The following AKT3 variants were observed in gnomAD, a reference collection of about 807,000 sequenced individuals.
The protein encoded by AKT3 is AKT serine/threonine kinase 3.
AKT3 carries 15 observed loss-of-function variants against 65.3 expected under a neutral mutation model. That is an observed-to-expected ratio of 0.23 (90% CI 0.15 to 0.35). The LOEUF is 0.35. AKT3 is among the 10% of genes least tolerant of loss of function. AKT3 has a pLI of 1.00. For missense variants in AKT3, 243 were observed against 576.5 expected, an observed-to-expected ratio of 0.42 and a Z score of 5.92; for synonymous variants, 206 against 183.8, an observed-to-expected ratio of 1.12 and a Z score of -0.98.
chr1:243,718,381 T>A (rs950812055), intron 2 of AKT3, among the ~76,000 whole-genome samples: 4 of 152,212 alleles, frequency 2.6e-5, no homozygotes, highest in African/African-American at 9.7e-5. Flanking sequence ...TTTATAATTA[T>A]TAAATCTTCA....
At chr1:243,587,678 T>C (rs1333298902) in intron 8 of AKT3, among the ~76,000 whole-genome samples, 1 of 152,144 alleles carries the variant, frequency 6.6e-6, no homozygotes, top group African/African-American at 2.4e-5. Context: ...CACAAGGATA[T>C]TTTCAGAAGT....
intron 4 of AKT3, among the ~76,000 whole-genome samples, chr1:243,662,693 A>G (rs1458620904): frequency 6.6e-6 from 1 of 150,376 alleles, no homozygotes; most frequent in African/African-American, 2.4e-5. Flanking sequence ...GTACCCTGAA[A>G]CTTAAAGTAT....
chr1:243,753,475 A>T (rs1412718756), intron 2 of AKT3, among the ~76,000 whole-genome samples: 1 of 152,204 alleles, frequency 6.6e-6, no homozygotes, highest in Non-Finnish European at 1.5e-5. Context: ...AAGAGAAACA[A>T]GCCAACAATG....
At chr1:243,569,868 A>G (rs1674432241) in intron 9 of AKT3, among the ~76,000 whole-genome samples, 1 of 152,240 alleles carries the variant, frequency 6.6e-6, no homozygotes, top group Non-Finnish European at 1.5e-5. Context: ...TTGTAAAATA[A>G]GAGCTAAGCA....
chr1:243,545,410 T>C, intron 12 of AKT3, 100 bp downstream of exon 12: 1 of 658,140 alleles, frequency 1.5e-6, no homozygotes, highest in Non-Finnish European at 2.6e-6. Flanking sequence ...GAAAGTATCA[T>C]TACATCATTA....
At chr1:243,815,587 A>C (rs1281890571) in intron 2 of AKT3, among the ~76,000 whole-genome samples, 1 of 152,064 alleles carries the variant, frequency 6.6e-6, no homozygotes, top group Non-Finnish European at 1.5e-5. Flanking sequence ...CAACAAAACA[A>C]AACCACTCTG....
At chr1:243,844,806 C>A (rs1240609965) in intron 1 of AKT3, among the ~76,000 whole-genome samples, 1 of 152,146 alleles carries the variant, frequency 6.6e-6, no homozygotes, top group South Asian at 2.1e-4. Context: ...GCGGGAAAGT[C>A]CTCAAAAACA....
chr1:243,641,701 A>G (rs1680407355), intron 5 of AKT3, among the ~76,000 whole-genome samples: 1 of 152,084 alleles, frequency 6.6e-6, no homozygotes, highest in Non-Finnish European at 1.5e-5. Flanking sequence ...TTGAAAGACC[A>G]AGGCAGGTGG....
intron 8 of AKT3, among the ~76,000 whole-genome samples, chr1:243,584,318 T>TA (rs982134942): frequency 5.5e-4 from 83 of 151,736 alleles, no homozygotes; most frequent in African/African-American, 1.8e-3. Flanking sequence ...GAGTCAGTAA[T>TA]AAAAAAAACC....
chr1:243,623,771 TGGCCTG>T (rs1558661599), intron 6 of AKT3, among the ~76,000 whole-genome samples: 1 of 152,192 alleles, frequency 6.6e-6, no homozygotes, highest in African/African-American at 2.4e-5. Flanking sequence ...AGCTTCCAGA[TGGCCTG>T]TCTTGGGAAT....
At chr1:243,676,276 A>C (rs1167495195) in intron 3 of AKT3, among the ~76,000 whole-genome samples, 1 of 152,234 alleles carries the variant, frequency 6.6e-6, no homozygotes, top group East Asian at 1.9e-4. Context: ...CATTAAGTGC[A>C]GACTCACAGC....
intron 2 of AKT3, among the ~76,000 whole-genome samples, chr1:243,749,377 C>A (rs1376814421): frequency 6.6e-6 from 1 of 152,132 alleles, no homozygotes; most frequent in East Asian, 1.9e-4. Context: ...TCTTCTTTAT[C>A]CCTCTTCAAA....
chr1:243,500,351 C>T lies in AKT3; in HGVS notation c.*4898G>A, dbSNP rs1368422924. On this transcript the variant is annotated 3_prime_UTR_variant, in exon 14 of 14. Transcript: ENST00000673466. ...AGGAAGCACTATGCATTACTCTTTC[C>T]ATTCTGTTAAACAACGAAAACAGAC... 1 of 224,788 alleles carries T rather than the reference C, an allele frequency of 4.4e-6. No homozygotes were observed. Among genetic ancestry groups the T allele is most frequent in the African/African-American group, 2.2e-5 (1 of 44,744 alleles). The allele number at this position is 224,788 out of a possible 1,614,324, so 13.9% of individuals were successfully genotyped here.
intron 2 of AKT3, among the ~76,000 whole-genome samples, chr1:243,838,577 T>C (rs1424784064): frequency 1.3e-5 from 2 of 152,200 alleles, no homozygotes; most frequent in Non-Finnish European, 2.9e-5. Flanking sequence ...AATTGTTTTC[T>C]GTAACAACTT....
intron 10 of AKT3, among the ~76,000 whole-genome samples, chr1:243,560,430 ACAGT>A (rs1407621237): frequency 1.3e-5 from 2 of 152,198 alleles, no homozygotes; most frequent in Non-Finnish European, 2.9e-5. Context: ...AAGGGTAAAC[ACAGT>A]CAAAGTTTAA....
intron 12 of AKT3, among the ~76,000 whole-genome samples, chr1:243,514,457 T>C (rs1381658298): frequency 1.3e-5 from 2 of 152,110 alleles, no homozygotes; most frequent in Non-Finnish European, 2.9e-5. Flanking sequence ...ACAGCTATCC[T>C]CCCCCTCACT....
chr1:243,633,053 C>T (rs1249305074), intron 6 of AKT3, among the ~76,000 whole-genome samples: 35 of 152,108 alleles, frequency 2.3e-4, no homozygotes, highest in Non-Finnish European at 1.2e-4. Flanking sequence ...ATAAGATTAT[C>T]GAAGATTTCT....
At chr1:243,513,970 G>T (rs150356690) in intron 12 of AKT3, among the ~76,000 whole-genome samples, 89 of 152,172 alleles carry the variant, frequency 5.8e-4, no homozygotes, top group African/African-American at 2.0e-3. Context: ...ACATGCACAC[G>T]CACAGGGAAC....
chr1:243,616,592 TTAAA>T (rs1398484274), intron 6 of AKT3, among the ~76,000 whole-genome samples: 2 of 152,220 alleles, frequency 1.3e-5, no homozygotes, highest in Non-Finnish European at 2.9e-5. Context: ...TGGCAAGATC[TTAAA>T]TAAAGCCCTT....
Sources: allele counts gnomAD v4.1 joint callset (sites outside exome capture counted in the v4.1 genomes callset), GRCh38; gene constraint gnomAD v4.1.1; transcripts MANE v1.5; gene names NCBI Gene and HGNC (gene_info 2026-07-23, HGNC 2026-07-21).